Variants in SHANK2 observed in about 807,000 individuals in gnomAD.
The protein encoded by SHANK2 is SH3 and multiple ankyrin repeat domains protein 2.
SHANK2 carries 43 observed loss-of-function variants against 133.7 expected under a neutral mutation model. The observed-to-expected ratio is 0.32, with a 90% confidence interval of 0.25 to 0.41. The LOEUF is 0.41. Among genes scored for constraint, SHANK2 ranks in the 10% least tolerant of loss-of-function variants. The pLI, the probability that SHANK2 is intolerant of heterozygous loss-of-function variation, is 1.00. For synonymous variants in SHANK2, 1,017 were observed against 952.8 expected (o/e 1.07, Z -1.24); for missense variants, 1,994 against 2,235.8 (o/e 0.89, Z 2.18).
chr11:70,787,955 CAT>C (rs1409917122), intron 14 of SHANK2, among the ~76,000 whole-genome samples: 2 of 152,202 alleles, frequency 1.3e-5, no homozygotes, highest in African/African-American at 2.4e-5. Flanking sequence ...CTGAGGATCA[CAT>C]GAGTTACCTA....
chr11:71,075,198 C>A lies in SHANK2; in HGVS notation c.990G>T (p.Ser330=), dbSNP rs910028119. Residue 330 remains serine (S), a synonymous_variant, in exon 9 of 26, where the codon TCG becomes TCT. Transcript: ENST00000601538. The part of the protein sequence containing the change: ...YGADMSAQNA[S]GNTALHICAL... ...CGCAGATGTGCAAGGCCGTGTTCCC[C>A]GAGGCATTCTGGGCACTCATGTCTG... The A allele has an allele frequency of 3.9e-6, 1 of 257,036 alleles. No individual in the cohort carries two copies. The highest frequency in any genetic ancestry group is 8.8e-5 in the East Asian group (1 of 11,364). 15.9% of individuals were successfully genotyped at this position (257,036 alleles called of 1,614,324 possible). A position where few individuals can be genotyped will look rare whatever the true frequency, so the allele number is the denominator to read the frequency against.
chr11:70,904,071 C>T (rs574551689), intron 10 of SHANK2, among the ~76,000 whole-genome samples: 121 of 152,334 alleles, frequency 7.9e-4, no homozygotes, highest in African/African-American at 2.8e-3. Context: ...TCCTTGCACC[C>T]ACCCCATCAA....
At chr11:71,199,767 G>C (rs977186518) in intron 2 of SHANK2, among the ~76,000 whole-genome samples, 1 of 152,164 alleles carries the variant, frequency 6.6e-6, no homozygotes, top group African/African-American at 2.4e-5. Context: ...AATCCCCTGC[G>C]CTGGAAAGAC....
intron 2 of SHANK2, among the ~76,000 whole-genome samples, chr11:71,159,671 C>G (rs1337438750): frequency 2.0e-5 from 3 of 152,136 alleles, no homozygotes; most frequent in Non-Finnish European, 4.4e-5. Flanking sequence ...GTTAAGACTT[C>G]CATCAGACAC....
chr11:70,574,159 G>A (rs1474388445), intron 17 of SHANK2, among the ~76,000 whole-genome samples: 2 of 152,224 alleles, frequency 1.3e-5, no homozygotes, highest in Non-Finnish European at 2.9e-5. Flanking sequence ...GGCGGCCCCT[G>A]CCCAATCTCT....
intron 11 of SHANK2, among the ~76,000 whole-genome samples, chr11:70,851,486 C>T (rs1555065431): frequency 2.6e-5 from 4 of 152,142 alleles, no homozygotes; most frequent in Non-Finnish European, 5.9e-5. Flanking sequence ...TTCTCCTGCC[C>T]CTTTCTCCTT....
chr11:70,712,620 G>A (rs1555026418), intron 14 of SHANK2, among the ~76,000 whole-genome samples: 2 of 152,240 alleles, frequency 1.3e-5, no homozygotes, highest in Non-Finnish European at 2.9e-5. Context: ...TTCGGATTCT[G>A]CCACTTATGG....
At chr11:71,092,776 G>A (rs114159513) in intron 7 of SHANK2, among the ~76,000 whole-genome samples, 187 bp from the exon 8 acceptor site, 4,601 of 152,214 alleles carry the variant, frequency 0.03, 245 homozygotes, top group African/African-American at 0.11. Context: ...TGTGGTGGCT[G>A]ACGCCTATGA....
chr11:70,619,216 A>G (rs1322623055), intron 17 of SHANK2, among the ~76,000 whole-genome samples: 1 of 152,214 alleles, frequency 6.6e-6, no homozygotes, highest in Non-Finnish European at 1.5e-5. Context: ...AGTGGCTTAA[A>G]ACAACAAAAA....
chr11:70,496,900 A>G (rs2058979323), intron 21 of SHANK2: 1 of 454,258 alleles, frequency 2.2e-6, no homozygotes, highest in Non-Finnish European at 4.4e-6. Context: ...CAGTCGCCAC[A>G]TCAGAGGGTG....
chr11:70,529,921 GT>G (rs1305723672), intron 17 of SHANK2, among the ~76,000 whole-genome samples: 1 of 152,142 alleles, frequency 6.6e-6, no homozygotes, highest in African/African-American at 2.4e-5. Context: ...ACCACAGTTG[GT>G]TTTTTTGCTT....
At chr11:71,204,913 C>T (rs569273464) in intron 2 of SHANK2, among the ~76,000 whole-genome samples, 11 of 152,220 alleles carry the variant, frequency 7.2e-5, no homozygotes, top group South Asian at 2.1e-4. Context: ...TAGGAGGGTC[C>T]CTCTGCAGAT....
intron 8 of SHANK2, among the ~76,000 whole-genome samples, chr11:71,084,513 A>T (rs2136015553): frequency 6.6e-6 from 1 of 152,310 alleles, no homozygotes; most frequent in East Asian, 1.9e-4. Flanking sequence ...GCTCTCCCAC[A>T]CGATGAACGC....
At chr11:71,167,570 G>A (rs1555111250) in intron 2 of SHANK2, among the ~76,000 whole-genome samples, 4 of 136,772 alleles carry the variant, frequency 2.9e-5, no homozygotes, top group South Asian at 2.5e-4. Flanking sequence ...TCCCGGACGG[G>A]GCGGCTGGCC....
rs949355217 is a variant in SHANK2 at position 71,073,780 on chromosome 11, T to C, written c.1029+1379A>G. ...GCACCTGGCTGGAAGGCCTGCTTTTTTCATGTGATGGTGCCACGCATGCCT... is the reference window on the plus strand; with the variant it reads ...GCACCTGGCTGGAAGGCCTGCTTTTCTCATGTGATGGTGCCACGCATGCCT... On this transcript the variant is annotated intron_variant, in intron 9 of 25. Coordinates refer to ENST00000601538, the MANE Select transcript of SHANK2 (RefSeq NM_012309.5). Among the ~76,000 whole-genome samples, 87 of 152,312 alleles carry C rather than the reference T, an allele frequency of 5.7e-4. No individual in the cohort carries two copies. In the East Asian group the frequency reaches 0.014, roughly 24 times the overall value.
chr11:70,934,420 G>A (rs569267846), intron 10 of SHANK2, among the ~76,000 whole-genome samples: 127 of 152,098 alleles, frequency 8.3e-4, no homozygotes, highest in African/African-American at 2.7e-3. Context: ...GCCCAGCCCC[G>A]CCCAGGGTGC....
chr11:71,060,014 G>A (rs1950968662), intron 9 of SHANK2, among the ~76,000 whole-genome samples: 1 of 152,154 alleles, frequency 6.6e-6, no homozygotes, highest in African/African-American at 2.4e-5. Flanking sequence ...CCTACAGGAA[G>A]GTCAGGTTGG....
chr11:70,923,788 A>G (rs1950386768), intron 10 of SHANK2, among the ~76,000 whole-genome samples: 2 of 152,128 alleles, frequency 1.3e-5, no homozygotes, highest in South Asian at 4.1e-4. Flanking sequence ...CCTGGGCTCA[A>G]GTGATGATCC....
intron 17 of SHANK2, among the ~76,000 whole-genome samples, chr11:70,511,262 A>G (rs1466151112): frequency 6.6e-6 from 1 of 151,616 alleles, no homozygotes; most frequent in Non-Finnish European, 1.5e-5. Flanking sequence ...CTTCAGTTAC[A>G]TTTCCCTACC....
Sources: allele counts gnomAD v4.1 joint callset (sites outside exome capture counted in the v4.1 genomes callset), GRCh38; gene constraint gnomAD v4.1.1; transcripts MANE v1.5; gene names NCBI Gene and HGNC (gene_info 2026-07-23, HGNC 2026-07-21).